The following NPAS3 variants were observed in gnomAD, a reference collection of about 807,000 sequenced individuals.
The protein encoded by NPAS3 is neuronal PAS domain protein 3, also known as neuronal PAS domain-containing protein 3.
Under a neutral mutation model 73.1 loss-of-function variants are expected in NPAS3, and 14 were observed. That is an observed-to-expected ratio of 0.19 (90% CI 0.13 to 0.30). The LOEUF (loss-of-function observed/expected upper bound fraction) is 0.30, where lower values mean the gene tolerates loss of function less well. Ranked by LOEUF, NPAS3 falls within the 10% of genes least tolerant of loss-of-function variation. The probability of loss-of-function intolerance (pLI) is 1.00; values close to 1 mark genes in which losing one functional copy is unlikely to be tolerated. For synonymous variants in NPAS3, 620 were observed against 541.5 expected (o/e 1.14, Z -2.01); for missense variants, 1,096 against 1,250.0 (o/e 0.88, Z 1.86).
intron 2 of NPAS3, among the ~76,000 whole-genome samples, chr14:33,188,528 T>C (rs2139488817): frequency 6.6e-6 from 1 of 152,304 alleles, no homozygotes; most frequent in Admixed American, 6.5e-5. Context: ...TGTGTAATTG[T>C]CTTTTATTTC....
chr14:33,281,051 A>G (rs2041581698), intron 3 of NPAS3, among the ~76,000 whole-genome samples: 1 of 152,240 alleles, frequency 6.6e-6, no homozygotes, highest in African/African-American at 2.4e-5. Flanking sequence ...CTAAGGAGAT[A>G]AGAGTTCACT....
intron 3 of NPAS3, among the ~76,000 whole-genome samples, chr14:33,290,879 C>T (rs1265868186): frequency 6.6e-6 from 1 of 152,108 alleles, no homozygotes; most frequent in Non-Finnish European, 1.5e-5. Context: ...AAAGCGGCAG[C>T]ATAATTGTCA....
chr14:33,642,866 T>C (rs2058711790), intron 5 of NPAS3, among the ~76,000 whole-genome samples: 1 of 152,218 alleles, frequency 6.6e-6, no homozygotes, highest in South Asian at 2.1e-4. Context: ...GCTGTCTCAC[T>C]GATCTCTTCT....
At chr14:33,129,174 T>C (rs1263416074) in intron 2 of NPAS3, among the ~76,000 whole-genome samples, 1 of 152,132 alleles carries the variant, frequency 6.6e-6, no homozygotes, top group Non-Finnish European at 1.5e-5. Flanking sequence ...AAACAAATAA[T>C]CTGTAGCGTG....
At chr14:33,185,446 A>G (rs1369306346) in intron 2 of NPAS3, among the ~76,000 whole-genome samples, 4 of 152,228 alleles carry the variant, frequency 2.6e-5, no homozygotes, top group Non-Finnish European at 5.9e-5. Context: ...CACTTACCAC[A>G]TAATGAGAAA....
At chr14:33,386,849 C>G (rs927135074) in intron 4 of NPAS3, among the ~76,000 whole-genome samples, 8 of 152,242 alleles carry the variant, frequency 5.3e-5, no homozygotes, top group East Asian at 1.9e-4. Context: ...CTGTTCATAA[C>G]TATGTATTCC....
chr14:33,544,841 ATT>A lies in NPAS3; in HGVS notation c.469-15279_469-15278del, dbSNP rs1491513046. Reference sequence around the variant, plus strand: ...ATATAATATATATGTGTATATATATATTATATATATGTGTATATATAATATAT... The same window carrying A: ...ATATAATATATATGTGTATATATATAATATATATGTGTATATATAATATAT... On this transcript the variant is annotated intron_variant, in intron 4 of 11. Transcript: ENST00000356141. Among the ~76,000 whole-genome samples the A allele has an allele frequency of 1.1e-3, 131 of 118,840 alleles. 1 individual carries two copies. The highest frequency in any genetic ancestry group is 4.2e-3 in the Middle Eastern group (1 of 236). 78.0% of individuals were successfully genotyped at this position (118,840 alleles called of 152,430 possible). A position where few individuals can be genotyped will look rare whatever the true frequency, so the allele number is the denominator to read the frequency against.
At chr14:33,423,756 T>C (rs10483446) in intron 4 of NPAS3, among the ~76,000 whole-genome samples, 17,096 of 151,846 alleles carry the variant, frequency 0.11, 1,408 homozygotes, top group East Asian at 0.39. Flanking sequence ...GTGTTGTAAG[T>C]GTTCAGAGAA....
intron 2 of NPAS3, among the ~76,000 whole-genome samples, chr14:33,095,813 C>T (rs1295589947): frequency 1.3e-5 from 2 of 151,368 alleles, no homozygotes; most frequent in Non-Finnish European, 2.9e-5. Context: ...GGACTACAGG[C>T]GCCCACCACC....
chr14:33,471,819 C>T (rs747348330), intron 4 of NPAS3, among the ~76,000 whole-genome samples: 7 of 152,200 alleles, frequency 4.6e-5, no homozygotes, highest in Non-Finnish European at 1.0e-4. Flanking sequence ...AGGAGGTGAG[C>T]AGCAGGCAAG....
chr14:33,615,617 C>A (rs1001494424), intron 5 of NPAS3, among the ~76,000 whole-genome samples: 1 of 152,190 alleles, frequency 6.6e-6, no homozygotes. Flanking sequence ...CCTGACTTAT[C>A]AGTTTGTTAC....
intron 5 of NPAS3, among the ~76,000 whole-genome samples, chr14:33,565,621 T>TG (rs915793487): frequency 1.3e-5 from 2 of 151,650 alleles, no homozygotes; most frequent in Non-Finnish European, 2.9e-5. Context: ...TTAGTGGGGT[T>TG]GAAAAAAAAA....
intron 4 of NPAS3, among the ~76,000 whole-genome samples, chr14:33,382,995 G>T (rs747460452): frequency 3.3e-5 from 5 of 150,686 alleles, no homozygotes; most frequent in Non-Finnish European, 7.4e-5. Flanking sequence ...GCTGAGGCAG[G>T]AAAATTGCTG....
intron 3 of NPAS3, among the ~76,000 whole-genome samples, chr14:33,239,894 A>T (rs2048162264): frequency 1.3e-5 from 2 of 151,812 alleles, no homozygotes; most frequent in South Asian, 4.1e-4. Flanking sequence ...TAAACAGTGC[A>T]GTAACCGAAG....
chr14:33,668,308 G>A (rs114181806), intron 5 of NPAS3, among the ~76,000 whole-genome samples: 2,585 of 152,244 alleles, frequency 0.017, 78 homozygotes, highest in African/African-American at 0.059. Flanking sequence ...ACTGAGGAAC[G>A]ACTAATTGTA....
intron 8 of NPAS3, among the ~76,000 whole-genome samples, chr14:33,774,754 G>C (rs1304748270): frequency 6.6e-6 from 1 of 152,166 alleles, no homozygotes. Flanking sequence ...GGGATACCCA[G>C]ACATCCATAT....
intron 2 of NPAS3, among the ~76,000 whole-genome samples, chr14:33,158,593 G>C (rs569178518): frequency 6.6e-6 from 1 of 152,260 alleles, no homozygotes; most frequent in Admixed American, 6.5e-5. Context: ...GAGTTCTAAG[G>C]TACTGCAGAG....
chr14:33,140,346 T>C (rs527909227), intron 2 of NPAS3, among the ~76,000 whole-genome samples: 2 of 152,248 alleles, frequency 1.3e-5, no homozygotes, highest in East Asian at 1.9e-4. Context: ...TTCAGTAATA[T>C]GTAAGTAGGG....
chr14:33,083,760 C>T (rs1052337876), intron 2 of NPAS3, among the ~76,000 whole-genome samples: 2 of 152,138 alleles, frequency 1.3e-5, no homozygotes, highest in South Asian at 2.1e-4. Flanking sequence ...ATAACAGAAT[C>T]CCCGTGGGAT....
Sources: gnomAD v4.1 joint callset for allele counts (sites outside exome capture counted in the v4.1 genomes callset) on GRCh38, gnomAD v4.1.1 for gene constraint, MANE v1.5 for transcripts, NCBI Gene and HGNC (gene_info 2026-07-23, HGNC 2026-07-21) for gene names.